The following MACROD2 variants were observed in gnomAD, a reference collection of about 807,000 sequenced individuals.
The protein encoded by MACROD2 is ADP-ribose glycohydrolase MACROD2.
In MACROD2, 36 loss-of-function variants were observed where a neutral mutation model predicts 70.4. That is an observed-to-expected ratio of 0.51 (90% CI 0.39 to 0.68). MACROD2 has a LOEUF of 0.68. Among genes scored for constraint, MACROD2 ranks in the 30% least tolerant of loss-of-function variants. The pLI, the probability that MACROD2 is intolerant of heterozygous loss-of-function variation, is 0.00. For missense variants in MACROD2, 496 were observed against 538.4 expected (o/e 0.92, Z 0.78); for synonymous variants, 172 against 178.8 (o/e 0.96, Z 0.30).
At chr20:14,752,381 CA>C (rs200764855) in intron 5 of MACROD2, among the ~76,000 whole-genome samples, 5 of 148,824 alleles carry the variant, frequency 3.4e-5, no homozygotes, top group African/African-American at 4.9e-5. Context: ...TTATAGAAGC[CA>C]AAAAAAAATA....
chr20:14,869,505 A>G (rs2073464508), intron 5 of MACROD2, among the ~76,000 whole-genome samples: 2 of 152,108 alleles, frequency 1.3e-5, no homozygotes, highest in African/African-American at 4.8e-5. Flanking sequence ...GTGAAAGGTG[A>G]TTTTCACCAA....
At chr20:15,816,732 C>T (rs2063879961) in intron 8 of MACROD2, among the ~76,000 whole-genome samples, 1 of 152,190 alleles carries the variant, frequency 6.6e-6, no homozygotes, top group Non-Finnish European at 1.5e-5. Flanking sequence ...CCAGTCTGTA[C>T]TAGGCATTAC....
chr20:15,279,986 CAGAGA>C (rs1205025429), intron 6 of MACROD2, among the ~76,000 whole-genome samples: 2 of 152,120 alleles, frequency 1.3e-5, no homozygotes, highest in African/African-American at 4.8e-5. Context: ...CAGTGCCTAG[CAGAGA>C]AAAGACTCCA....
At chr20:15,474,189 TAAC>T (rs1200022361) in intron 7 of MACROD2, among the ~76,000 whole-genome samples, 2 of 152,280 alleles carry the variant, frequency 1.3e-5, no homozygotes, top group African/African-American at 2.4e-5. Flanking sequence ...TAGCTGTTAA[TAAC>T]AACATTTTAT....
chr20:15,621,722 A>G (rs577436425), intron 8 of MACROD2, among the ~76,000 whole-genome samples: 1 of 152,326 alleles, frequency 6.6e-6, no homozygotes, highest in South Asian at 2.1e-4. Context: ...TCCAATACAG[A>G]TGACTTCCAC....
chr20:15,756,895 C>T (rs1358869990), intron 8 of MACROD2, among the ~76,000 whole-genome samples: 2 of 152,152 alleles, frequency 1.3e-5, no homozygotes, highest in Non-Finnish European at 2.9e-5. Flanking sequence ...ATCGTTGTTA[C>T]CAGGCTGCTT....
At chr20:15,413,695 G>A (rs997084850) in intron 6 of MACROD2, among the ~76,000 whole-genome samples, 7 of 152,190 alleles carry the variant, frequency 4.6e-5, no homozygotes. Flanking sequence ...AAATTCATAT[G>A]TTTGTGGGAT....
At chr20:14,038,606 A>T (rs2148638138) in intron 2 of MACROD2, among the ~76,000 whole-genome samples, 1 of 152,240 alleles carries the variant, frequency 6.6e-6, no homozygotes, top group African/African-American at 2.4e-5. Context: ...TTTACTACTA[A>T]TTATATTTGA....
chr20:14,076,941 C>T (rs1025399550), intron 2 of MACROD2, among the ~76,000 whole-genome samples: 1 of 152,094 alleles, frequency 6.6e-6, no homozygotes, highest in African/African-American at 2.4e-5. Context: ...GCTTTATAGC[C>T]ATGACTTCTT....
intron 5 of MACROD2, among the ~76,000 whole-genome samples, chr20:14,930,816 A>G (rs1274761482): frequency 7.4e-6 from 1 of 135,494 alleles, no homozygotes; most frequent in Admixed American, 8.0e-5. Context: ...CCATGTTTTC[A>G]TTCATTTTTT....
chr20:14,885,491 C>A (rs188254870), intron 5 of MACROD2, among the ~76,000 whole-genome samples: 51 of 152,230 alleles, frequency 3.4e-4, no homozygotes, highest in Admixed American at 3.3e-3. Context: ...TCCAGCCTTA[C>A]CCCTTTTTAC....
In MACROD2 at chr20:15,736,267, A is replaced by G. The variant is rs550027632; in HGVS notation, c.646-126478A>G. Among the ~76,000 whole-genome samples the G allele has an allele frequency of 7.9e-5, 12 of 152,208 alleles. No homozygotes were observed. In the East Asian group the frequency reaches 2.1e-3, roughly 27 times the overall value. On this transcript the variant is annotated intron_variant, in intron 8 of 17. Transcript: ENST00000684519. Reference sequence around the variant, plus strand: ...CCACACTCCAACAAGAATTCAAAGGACTCTAGAGCAAGTGCCACACATATG... The same window carrying G: ...CCACACTCCAACAAGAATTCAAAGGGCTCTAGAGCAAGTGCCACACATATG...
At chr20:15,189,975 C>T (rs1338363661) in intron 5 of MACROD2, among the ~76,000 whole-genome samples, 1 of 152,012 alleles carries the variant, frequency 6.6e-6, no homozygotes, top group African/African-American at 2.4e-5. Flanking sequence ...TAACAGATAC[C>T]CTGGGGCCTG....
At chr20:14,877,682 A>G (rs1178425451) in intron 5 of MACROD2, among the ~76,000 whole-genome samples, 1 of 151,936 alleles carries the variant, frequency 6.6e-6, no homozygotes, top group Non-Finnish European at 1.5e-5. Flanking sequence ...TTTATCGTGA[A>G]GGGATGTTGG....
intron 5 of MACROD2, among the ~76,000 whole-genome samples, chr20:15,100,041 G>A (rs1166879177): frequency 6.6e-6 from 1 of 152,058 alleles, no homozygotes; most frequent in Non-Finnish European, 1.5e-5. Context: ...GTGCTCTTGT[G>A]TTTTGTGACA....
intron 6 of MACROD2, among the ~76,000 whole-genome samples, chr20:15,408,583 A>G (rs1391634043): frequency 2.0e-5 from 3 of 152,214 alleles, no homozygotes; most frequent in African/African-American, 7.2e-5. Context: ...CAAAGTCCTC[A>G]CTAAATGAAA....
intron 5 of MACROD2, among the ~76,000 whole-genome samples, chr20:15,125,535 G>A (rs906631231): frequency 6.6e-6 from 1 of 151,962 alleles, no homozygotes; most frequent in African/African-American, 2.4e-5. Flanking sequence ...GAAAGTTTGG[G>A]AACGTTTCTG....
At chr20:15,036,935 ATATT>A (rs573451142) in intron 5 of MACROD2, among the ~76,000 whole-genome samples, 1 of 151,734 alleles carries the variant, frequency 6.6e-6, no homozygotes, top group South Asian at 2.1e-4. Flanking sequence ...AATGTAATCA[ATATT>A]TATAATAGAT....
intron 5 of MACROD2, among the ~76,000 whole-genome samples, chr20:15,227,823 GTTTTTT>G (rs59129207): frequency 0.02 from 938 of 46,078 alleles, 11 homozygotes; most frequent in South Asian, 0.041. Flanking sequence ...AATTTCACCT[GTTTTTT>G]TTTTTTTTTT....
Sources: gnomAD v4.1 joint callset for allele counts (sites outside exome capture counted in the v4.1 genomes callset) on GRCh38, gnomAD v4.1.1 for gene constraint, MANE v1.5 for transcripts, NCBI Gene and HGNC (gene_info 2026-07-23, HGNC 2026-07-21) for gene names.